The following ATXN1 variants were observed in gnomAD, a reference collection of about 807,000 sequenced individuals.
The protein encoded by ATXN1 is ataxin 1.
ATXN1 carries 8 observed loss-of-function variants against 56.4 expected under a neutral mutation model. The ratio of observed to expected loss-of-function variants is 0.14; its 90% CI spans 0.08 to 0.26. The LOEUF is 0.26. ATXN1 is among the 10% of genes least tolerant of loss of function. The probability of loss-of-function intolerance (pLI) is 1.00; values close to 1 mark genes in which losing one functional copy is unlikely to be tolerated. For synonymous variants in ATXN1, 514 were observed against 494.6 expected (o/e 1.04, Z -0.52); for missense variants, 987 against 1,106.5 (o/e 0.89, Z 1.53).
At chr6:16,758,260 C>A (rs1760947866) in intron 1 of ATXN1, among the ~76,000 whole-genome samples, 1 of 152,190 alleles carries the variant, frequency 6.6e-6, no homozygotes, top group African/African-American at 2.4e-5. Context: ...ATGGAGGTTC[C>A]AAATGATGAA....
At chr6:16,553,072 G>A (rs896326082) in intron 4 of ATXN1, among the ~76,000 whole-genome samples, 13 of 152,288 alleles carry the variant, frequency 8.5e-5, no homozygotes, top group East Asian at 5.8e-4. Flanking sequence ...CAGGCTATGC[G>A]CCTCTAGGAG....
At chr6:16,610,789 C>T (rs1189892824) in intron 3 of ATXN1, among the ~76,000 whole-genome samples, 1 of 151,266 alleles carries the variant, frequency 6.6e-6, no homozygotes, top group African/African-American at 2.4e-5. Flanking sequence ...TTTGGGAGGC[C>T]GAGGTGGGAG....
rs919646912 is a variant in ATXN1 at position 16,300,207 on chromosome 6, A to G, written c.*6122T>C. On this transcript the variant is annotated 3_prime_UTR_variant, in exon 8 of 8. Transcript: ENST00000436367. ...GCCTCCAATGTATCTGCAGTGGAAG[A>G]CTTGAGTCCTTTCAGATAAGAAAAG... is the stretch of plus-strand genomic sequence containing the variant. The G allele has an allele frequency of 1.3e-5, 2 of 152,452 alleles. No individual in the cohort carries two copies. The highest frequency in any genetic ancestry group is 2.9e-5 in the Non-Finnish European group (2 of 68,046). 9.4% of individuals were successfully genotyped at this position (152,452 alleles called of 1,614,324 possible). A position where few individuals can be genotyped will look rare whatever the true frequency, so the allele number is the denominator to read the frequency against.
chr6:16,459,332 T>C (rs748578698), intron 6 of ATXN1, among the ~76,000 whole-genome samples: 1 of 152,162 alleles, frequency 6.6e-6, no homozygotes, highest in African/African-American at 2.4e-5. Context: ...CCCCACCACT[T>C]TTCCTTATCA....
At chr6:16,350,865 G>A (rs1400469485) in intron 6 of ATXN1, among the ~76,000 whole-genome samples, 1 of 152,148 alleles carries the variant, frequency 6.6e-6, no homozygotes, top group African/African-American at 2.4e-5. Context: ...GGAGGACTAT[G>A]TGAGGCCAGG....
At chr6:16,398,345 G>A (rs1470541233) in intron 6 of ATXN1, among the ~76,000 whole-genome samples, 3 of 152,208 alleles carry the variant, frequency 2.0e-5, no homozygotes, top group Non-Finnish European at 4.4e-5. Context: ...TATACTTTGT[G>A]TCTAAGTTAT....
At chr6:16,578,928 C>T (rs910794055) in intron 4 of ATXN1, among the ~76,000 whole-genome samples, 2 of 152,192 alleles carry the variant, frequency 1.3e-5, no homozygotes, top group Non-Finnish European at 2.9e-5. Context: ...AAACCATCCT[C>T]CCATCTTATT....
At chr6:16,372,993 AGAAT>A (rs1762077050) in intron 6 of ATXN1, among the ~76,000 whole-genome samples, 1 of 30,262 alleles carries the variant, frequency 3.3e-5, no homozygotes, top group African/African-American at 6.7e-5. Flanking sequence ...GGTAGAGTAG[AGAAT>A]GTAGAGACAG....
At chr6:16,559,850 T>C (rs1050169724) in intron 4 of ATXN1, among the ~76,000 whole-genome samples, 7 of 150,040 alleles carry the variant, frequency 4.7e-5, no homozygotes, top group Non-Finnish European at 1.0e-4. Flanking sequence ...ATTTTTAGTA[T>C]GTTTAATAAA....
chr6:16,602,608 T>A (rs1020191706), intron 3 of ATXN1, among the ~76,000 whole-genome samples: 1 of 152,044 alleles, frequency 6.6e-6, no homozygotes, highest in African/African-American at 2.4e-5. Flanking sequence ...CAGGCCACCA[T>A]GCCCTGCTAA....
At position 16,600,923 on chromosome 6, in the gene ATXN1, C is replaced by T. The variant is rs538163128; in HGVS notation, c.-488-15016G>A. Among the ~76,000 whole-genome samples, 8 of 152,290 alleles carry T rather than the reference C, an allele frequency of 5.3e-5. No individual in the cohort carries two copies. The South Asian group carries it at 1.2e-3, about 24-fold the overall frequency. ...AATTCCTTTGATTCTTAGAAAATGACGCAGTTGTTAGAGCTGGTTGCCTGC... is the reference window on the plus strand; with the variant it reads ...AATTCCTTTGATTCTTAGAAAATGATGCAGTTGTTAGAGCTGGTTGCCTGC... On this transcript the variant is annotated intron_variant, in intron 3 of 7. Transcript: ENST00000436367.
intron 5 of ATXN1, among the ~76,000 whole-genome samples, chr6:16,491,418 G>A (rs1001955888): frequency 6.6e-6 from 1 of 151,664 alleles, no homozygotes; most frequent in African/African-American, 2.4e-5. Flanking sequence ...CTGAGTAGCT[G>A]GGACTGCAGG....
chr6:16,647,023 GAGA>G (rs1197724329), intron 3 of ATXN1, among the ~76,000 whole-genome samples: 1 of 151,358 alleles, frequency 6.6e-6, no homozygotes, highest in Non-Finnish European at 1.5e-5. Context: ...TGTTTTTTTT[GAGA>G]AGAAGTCTCG....
intron 4 of ATXN1, among the ~76,000 whole-genome samples, chr6:16,545,312 T>G (rs1294338989): frequency 6.6e-6 from 1 of 152,058 alleles, no homozygotes; most frequent in African/African-American, 2.4e-5. Context: ...AGTAGCAAAG[T>G]GGAGGTTTGA....
intron 4 of ATXN1, among the ~76,000 whole-genome samples, chr6:16,544,447 C>G (rs1443915606): frequency 6.6e-6 from 1 of 152,150 alleles, no homozygotes; most frequent in Non-Finnish European, 1.5e-5. Context: ...TCCTAAATAA[C>G]TTTTGGGGGC....
chr6:16,451,582 C>T lies in ATXN1; in HGVS notation c.-161+34390G>A, dbSNP rs150818516. 1.8e-3 allele frequency among the ~76,000 whole-genome samples: 272 copies of T among 152,144 alleles called. 1 individual carries two copies. Among genetic ancestry groups the T allele is most frequent in the African/African-American group, 5.8e-3 (242 of 41,490 alleles). On this transcript the variant is annotated intron_variant, in intron 6 of 7. Coordinates refer to ENST00000436367, the MANE Select transcript of ATXN1 (RefSeq NM_001128164.2). ...ACCAGCCCGACCAACATGGAGGAAC[C>T]TCATCTCTGCTAAAAATGTAAAATT...
At chr6:16,530,481 T>G (rs963797096) in intron 4 of ATXN1, among the ~76,000 whole-genome samples, 1 of 152,208 alleles carries the variant, frequency 6.6e-6, no homozygotes, top group Non-Finnish European at 1.5e-5. Context: ...AGATAAATAT[T>G]GTATCTGGAG....
At chr6:16,549,726 C>T (rs1024165345) in intron 4 of ATXN1, among the ~76,000 whole-genome samples, 50 of 151,948 alleles carry the variant, frequency 3.3e-4, no homozygotes, top group African/African-American at 1.1e-3. Context: ...GGTGAAACCC[C>T]GTCTCTACTA....
chr6:16,537,559 A>G (rs1340939865), intron 4 of ATXN1, among the ~76,000 whole-genome samples: 1 of 151,958 alleles, frequency 6.6e-6, no homozygotes, highest in Non-Finnish European at 1.5e-5. Context: ...ACGCAAAATT[A>G]GCTGGACGTG....
Sources: allele counts gnomAD v4.1 joint callset (sites outside exome capture counted in the v4.1 genomes callset), GRCh38; gene constraint gnomAD v4.1.1; transcripts MANE v1.5; gene names NCBI Gene and HGNC (gene_info 2026-07-23, HGNC 2026-07-21).